SEMA6D: variants seen among roughly 807,000 people sequenced by gnomAD.
SEMA6D encodes semaphorin 6D.
SEMA6D carries 35 observed loss-of-function variants against 106.6 expected under a neutral mutation model. The observed-to-expected ratio is 0.33, with a 90% CI of 0.25 to 0.44. The LOEUF (loss-of-function observed/expected upper bound fraction) is 0.44. SEMA6D is among the 20% of genes least tolerant of loss of function. The pLI is 1.00. For synonymous variants in SEMA6D, 499 were observed against 487.7 expected (o/e 1.02, Z -0.31); for missense variants, 1,185 against 1,345.9 (o/e 0.88, Z 1.87).
chr15:47,457,258 T>C lies in SEMA6D; in HGVS notation c.-158-13216T>C, dbSNP rs1214693650. 2.0e-5 allele frequency among the ~76,000 whole-genome samples: 3 copies of C among 151,850 alleles called. No homozygotes were observed. The East Asian group carries it at 5.8e-4, about 29-fold the overall frequency. On this transcript the variant is annotated intron_variant, in intron 2 of 19. Transcript: ENST00000558014. ...AAACCTACTTTAAAGAATACAAAAA[T>C]ATCCAGCATTCAAAAATATAAAATT...
intron 1 of SEMA6D, among the ~76,000 whole-genome samples, chr15:47,273,423 C>G (rs2034651566): frequency 6.6e-6 from 1 of 152,170 alleles, no homozygotes; most frequent in Non-Finnish European, 1.5e-5. Context: ...AATCAATAGT[C>G]TCTGCTGTCC....
At chr15:47,639,108 A>G (rs1185281538) in intron 4 of SEMA6D, among the ~76,000 whole-genome samples, 2 of 152,122 alleles carry the variant, frequency 1.3e-5, no homozygotes, top group Non-Finnish European at 2.9e-5. Flanking sequence ...CATGCCCTCT[A>G]AGGCTCAAAG....
At position 47,771,702 on chromosome 15, in the gene SEMA6D, T is replaced by G. The variant is rs1337172179; in HGVS notation, c.3139T>G (p.Ser1047Ala). The change falls in exon 19 of 19, where the codon TCC becomes GCC. Residue 1047 changes from serine (S) to alanine (A), a missense_variant. Physicochemically the swap from Ser to Ala is moderately conservative, Grantham distance 99. Coordinates refer to ENST00000536845, the MANE Select transcript of SEMA6D (RefSeq NM_001358351.3). The stretch of plus-strand genomic sequence containing the variant: ...TAGGACGGGACTAAAGAGGACGCCG[T>G]CCTTAAAACCTGACGTGCCACCAAA... ...LPRTGLKRTP[S>A]LKPDVPPKPS... 6.2e-7 allele frequency: 1 copy of G among 1,613,906 alleles called. No individual in the cohort carries two copies. The highest frequency in any genetic ancestry group is 2.2e-5 in the East Asian group (1 of 44,864).
At chr15:47,568,036 TA>T (rs1321087195) in intron 3 of SEMA6D, among the ~76,000 whole-genome samples, 1 of 152,138 alleles carries the variant, frequency 6.6e-6, no homozygotes, top group Non-Finnish European at 1.5e-5. Flanking sequence ...GTGAAATTTT[TA>T]AAACAATTTA....
intron 4 of SEMA6D, among the ~76,000 whole-genome samples, chr15:47,668,670 C>A (rs571088854): frequency 2.6e-5 from 4 of 152,146 alleles, no homozygotes; most frequent in African/African-American, 9.7e-5. Context: ...CCTGACCTAG[C>A]GAATGGTCCT....
rs765645473 is a variant in SEMA6D, at chr15:47,771,196, C to T, written c.2633C>T (p.Thr878Ile). ...DHRRSVDSRN[T>I]LNDLLKHLND... ...CGGCGTTCTGTTGATTCCAGAAATA[C>T]CCTCAATGATCTCCTGAAGCATCTG... Residue 878 changes from threonine to isoleucine, a missense_variant, in exon 19 of 19, where the codon ACC becomes ATC. Physicochemically the swap from Thr to Ile is moderately conservative, Grantham distance 89. Coordinates refer to ENST00000536845, the MANE Select transcript of SEMA6D (RefSeq NM_001358351.3). 22 of 1,613,922 alleles carry T rather than the reference C, an allele frequency of 1.4e-5. No homozygotes were observed. Among genetic ancestry groups the T allele is most frequent in the Middle Eastern group, 1.6e-4 (1 of 6,084 alleles).
rs1185709347 is a variant in SEMA6D, at chr15:47,491,691, TATC to T, written c.-87+21149_-87+21151del. On this transcript the variant is annotated intron_variant, in intron 3 of 19. Transcript: ENST00000558014. ...AAGAGAGCTATGCATATAACAATAA[TATC>T]ATACAAATGAAGACTAAGACTGATC... Among the ~76,000 whole-genome samples the T allele has an allele frequency of 8.5e-5, 13 of 152,146 alleles. No homozygotes were observed. The South Asian group carries it at 1.4e-3, about 17-fold the overall frequency.
At chr15:47,197,762 A>G (rs1410097727) in intron 1 of SEMA6D, among the ~76,000 whole-genome samples, 1 of 152,106 alleles carries the variant, frequency 6.6e-6, no homozygotes, top group African/African-American at 2.4e-5. Flanking sequence ...TGACCTCTTG[A>G]TATGGAGATC....
chr15:47,384,611 G>A (rs2039752124), intron 1 of SEMA6D, among the ~76,000 whole-genome samples: 4 of 152,102 alleles, frequency 2.6e-5, no homozygotes, highest in African/African-American at 9.7e-5. Flanking sequence ...GGATGTCTGA[G>A]TGGAGAGCTC....
intron 1 of SEMA6D, among the ~76,000 whole-genome samples, chr15:47,218,669 A>G (rs189914950): frequency 2.1e-3 from 325 of 152,340 alleles, no homozygotes; most frequent in Non-Finnish European, 3.7e-3. Flanking sequence ...AAAGCAAAGT[A>G]TTCATGGAGA....
chr15:47,262,306 T>C (rs1269331974), intron 1 of SEMA6D, among the ~76,000 whole-genome samples: 1 of 152,136 alleles, frequency 6.6e-6, no homozygotes, highest in Non-Finnish European at 1.5e-5. Context: ...AACTATCTAT[T>C]AGTCTGTTCT....
chr15:47,650,724 G>A (rs918870657), intron 4 of SEMA6D, among the ~76,000 whole-genome samples: 2 of 152,088 alleles, frequency 1.3e-5, no homozygotes, highest in African/African-American at 4.8e-5. Flanking sequence ...AGCAATTCAC[G>A]AAAACAACAA....
intron 1 of SEMA6D, among the ~76,000 whole-genome samples, chr15:47,184,992 G>A (rs938751079): frequency 3.3e-5 from 5 of 152,098 alleles, no homozygotes; most frequent in Non-Finnish European, 7.4e-5. Context: ...CTTTCCTTGG[G>A]GTTTAGAGGG....
intron 3 of SEMA6D, among the ~76,000 whole-genome samples, chr15:47,569,301 G>T (rs905531446): frequency 1.3e-5 from 2 of 151,972 alleles, no homozygotes; most frequent in African/African-American, 4.8e-5. Flanking sequence ...TGTTACTACT[G>T]GCTCTCCCTT....
intron 1 of SEMA6D, among the ~76,000 whole-genome samples, chr15:47,320,992 T>C (rs995588858): frequency 3.3e-5 from 5 of 152,206 alleles, no homozygotes; most frequent in Non-Finnish European, 7.3e-5. Context: ...GATTGGCTTA[T>C]TGACCTCACT....
chr15:47,476,653 AGCATGAATATATAAAGCAGT>A (rs1442037291), intron 3 of SEMA6D, among the ~76,000 whole-genome samples: 1 of 151,968 alleles, frequency 6.6e-6, no homozygotes, highest in African/African-American at 2.4e-5. Flanking sequence ...GGGTGGGGGG[AGCATGAATATATAAAGCAGT>A]GCTGACACGC....
Position 47,763,874 on chromosome 15 carries a change from A to G in SEMA6D, c.772A>G (p.Ile258Val), listed in dbSNP as rs752351942. ...GKAVYSRVARICKNDMGGSQR... is the reference protein window; with the variant it reads ...GKAVYSRVARVCKNDMGGSQR... Reference sequence around the variant, plus strand: ...GGCTGTGTATTCCCGCGTGGCCCGCATATGTAAAAACGACATGGGTGGTTC... The same window carrying G: ...GGCTGTGTATTCCCGCGTGGCCCGCGTATGTAAAAACGACATGGGTGGTTC... Residue 258 changes from isoleucine (I) to valine (V), a missense_variant, in exon 10 of 19, where the codon ATA (isoleucine) becomes GTA (valine). By Grantham distance (29) the Ile-to-Val change is conservative. Around this residue, in one of 3 missense-constraint regions of SEMA6D, gnomAD observed 291 missense variants for 423.8 expected, o/e 0.69. Transcript: ENST00000536845. 1.7e-5 allele frequency: 27 copies of G among 1,613,476 alleles called. 1 individual carries two copies. In the South Asian group the frequency reaches 2.6e-4, roughly 16 times the overall value.
chr15:47,366,997 T>C lies in SEMA6D; in HGVS notation c.-238-45396T>C, dbSNP rs529365958. ...GGCAGCAAAATAGTGTTTCAGAGCATGGACTCTAGAATGGGCATGCATGAC... is the reference window on the plus strand; with the variant it reads ...GGCAGCAAAATAGTGTTTCAGAGCACGGACTCTAGAATGGGCATGCATGAC... On this transcript the variant is annotated intron_variant, in intron 1 of 19. Transcript: ENST00000558014. 4.6e-5 allele frequency among the ~76,000 whole-genome samples: 7 copies of C among 152,348 alleles called. No homozygotes were observed. The South Asian group carries it at 1.5e-3, about 32-fold the overall frequency.
intron 1 of SEMA6D, among the ~76,000 whole-genome samples, chr15:47,360,694 C>T (rs555732780): frequency 6.6e-6 from 1 of 152,322 alleles, no homozygotes; most frequent in South Asian, 2.1e-4. Flanking sequence ...TGTCCATTCT[C>T]CTCATATGGC....
Sources: gnomAD v4.1 joint callset for allele counts (sites outside exome capture counted in the v4.1 genomes callset) on GRCh38, gnomAD v4.1.1 for gene constraint, gnomAD v4.1.1 regional missense constraint, MANE v1.5 for transcripts, NCBI Gene and HGNC (gene_info 2026-07-23, HGNC 2026-07-21) for gene names.